The following EGFR variants were observed in gnomAD, a reference collection of about 807,000 sequenced individuals.
The protein encoded by EGFR is epidermal growth factor receptor.
A neutral mutation model predicts 143.0 loss-of-function variants in EGFR; 58 were observed. That is an observed-to-expected ratio of 0.41 (90% CI 0.33 to 0.50). EGFR has a LOEUF of 0.50. Among genes scored for constraint, EGFR ranks in the 20% least tolerant of loss-of-function variants. The probability of loss-of-function intolerance (pLI) is 0.39; values close to 1 mark genes in which losing one functional copy is unlikely to be tolerated. For missense variants in EGFR, 1,307 were observed against 1,579.0 expected, an observed-to-expected ratio of 0.83 and a Z score of 2.92; for synonymous variants, 613 against 594.4, an observed-to-expected ratio of 1.03 and a Z score of -0.45.
intron 1 of EGFR, among the ~76,000 whole-genome samples, chr7:55,031,504 G>A (rs11973394): frequency 0.086 from 10,828 of 126,192 alleles, 573 homozygotes; most frequent in African/African-American, 0.18. Context: ...GAGTAGTGAC[G>A]TGCCTGGTGT....
chr7:55,122,806 A>G lies in EGFR; in HGVS notation c.89-19480A>G, dbSNP rs987695282. Reference sequence around the variant, plus strand: ...CAGCAGCTGCCTCAACTTCTTTTCCAGCATGTCTCATGAGTATTGCCACAA... The same window carrying G: ...CAGCAGCTGCCTCAACTTCTTTTCCGGCATGTCTCATGAGTATTGCCACAA... On this transcript the variant is annotated intron_variant, in intron 1 of 27. Coordinates refer to ENST00000275493, the MANE Select transcript of EGFR (RefSeq NM_005228.5). Among the ~76,000 whole-genome samples, 5 of 152,202 alleles carry G rather than the reference A, an allele frequency of 3.3e-5. No individual in the cohort carries two copies. The East Asian group carries it at 9.6e-4, about 29-fold the overall frequency.
intron 1 of EGFR, among the ~76,000 whole-genome samples, chr7:55,062,484 T>G (rs1276514510): frequency 2.0e-5 from 3 of 152,212 alleles, no homozygotes; most frequent in African/African-American, 7.2e-5. Flanking sequence ...AATTAACTAC[T>G]GATCATTTAT....
intron 1 of EGFR, among the ~76,000 whole-genome samples, chr7:55,077,125 A>AG (rs746540694): frequency 6.6e-6 from 1 of 152,098 alleles, no homozygotes; most frequent in African/African-American, 2.4e-5. Context: ...TCAATTACAG[A>AG]TTATTATTTA....
chr7:55,120,099 C>T (rs886287135), intron 1 of EGFR, among the ~76,000 whole-genome samples: 5 of 152,222 alleles, frequency 3.3e-5, no homozygotes, highest in Admixed American at 2.6e-4. Context: ...AGGCCGCTGA[C>T]GTGGGCCAGG....
intron 1 of EGFR, chr7:55,109,714 A>T (rs1240081275): frequency 2.0e-6 from 2 of 985,158 alleles, no homozygotes; most frequent in Admixed American, 1.2e-4. Flanking sequence ...GACTCACAGG[A>T]CAAATTCTAT....
chr7:55,165,436 G>A lies in EGFR; in HGVS notation c.1879G>A (p.Gly627Arg), dbSNP rs753315940. ...CHLCHPNCTYGCTGPGLEGCP... is the reference protein window; with the variant it reads ...CHLCHPNCTYRCTGPGLEGCP... Reference sequence around the variant, plus strand: ...CCTGTGCCATCCAAACTGCACCTACGGGTGAGTGGAAAGTGAAGGAGAACA... The same window carrying A: ...CCTGTGCCATCCAAACTGCACCTACAGGTGAGTGGAAAGTGAAGGAGAACA... The change falls in exon 15 of 28, where the codon GGA becomes AGA. Residue 627 changes from glycine to arginine, a missense_variant and splice_region_variant. Physicochemically the swap from Gly to Arg is moderately radical, Grantham distance 125 (BLOSUM62 -2). Transcript: ENST00000275493. 6 of 1,609,234 alleles carry A rather than the reference G, an allele frequency of 3.7e-6. No individual in the cohort carries two copies. The highest frequency in any genetic ancestry group is 5.1e-6 in the Non-Finnish European group (6 of 1,176,334).
intron 1 of EGFR, among the ~76,000 whole-genome samples, chr7:55,103,436 C>T (rs950954003): frequency 2.0e-5 from 3 of 152,222 alleles, no homozygotes; most frequent in African/African-American, 7.2e-5. Flanking sequence ...TCCTAACACC[C>T]TGTAATATAC....
chr7:55,087,856 G>A (rs935319932), intron 1 of EGFR, among the ~76,000 whole-genome samples: 5 of 152,078 alleles, frequency 3.3e-5, no homozygotes, highest in Non-Finnish European at 5.9e-5. Flanking sequence ...ACCCTCCCTC[G>A]TCCTCTCCTC....
intron 1 of EGFR, among the ~76,000 whole-genome samples, chr7:55,021,926 C>T (rs1786589799): frequency 6.6e-6 from 1 of 152,182 alleles, no homozygotes. Flanking sequence ...CTCCAGATCC[C>T]TCTCTCAACT....
chr7:55,112,585 C>T lies in EGFR; in HGVS notation c.89-29701C>T, dbSNP rs574092247. The stretch of plus-strand genomic sequence containing the variant: ...GCCATGGCTGCCCCCTCAGAAGGCC[C>T]TGTGGAGTGGCTGGCCGAGCCTCAG... On this transcript the variant is annotated intron_variant, in intron 1 of 27. Transcript: ENST00000275493. Among the ~76,000 whole-genome samples, 19 of 152,338 alleles carry T rather than the reference C, an allele frequency of 1.2e-4. No individual in the cohort carries two copies. The South Asian group carries it at 1.9e-3, about 15-fold the overall frequency.
chr7:55,104,673 T>C lies in EGFR; in HGVS notation c.89-37613T>C, dbSNP rs1462835752. 1.3e-5 allele frequency among the ~76,000 whole-genome samples: 2 copies of C among 152,204 alleles called. 1 individual carries two copies. Among genetic ancestry groups the C allele is most frequent in the Non-Finnish European group, 2.9e-5 (2 of 68,044 alleles). On this transcript the variant is annotated intron_variant, in intron 1 of 27. Coordinates refer to ENST00000275493, the MANE Select transcript of EGFR (RefSeq NM_005228.5). ...GTCCCAAAGCTCTGCCCTGCCTGGC[T>C]TGATCCAGTGCCTAGGCACTGCCCC...
At chr7:55,172,830 T>A (rs1420726593) in intron 16 of EGFR, 153 bp from the exon 17 acceptor site, 8 of 1,563,004 alleles carry the variant, frequency 5.1e-6, no homozygotes. Context: ...TAGAAGCCTG[T>A]TTTTTCTCCT....
chr7:55,134,158 C>T (rs915919581), intron 1 of EGFR, among the ~76,000 whole-genome samples: 4 of 150,826 alleles, frequency 2.7e-5, no homozygotes, highest in Non-Finnish European at 5.9e-5. Context: ...CCCAGCCACA[C>T]ACAGATACAG....
intron 6 of EGFR, among the ~76,000 whole-genome samples, chr7:55,153,388 C>T (rs372225650): frequency 7.2e-5 from 11 of 152,202 alleles, no homozygotes; most frequent in African/African-American, 2.4e-4. Flanking sequence ...GCTGGTGTGA[C>T]GAAGCCCTTC....
At chr7:55,047,961 T>C (rs1788276289) in intron 1 of EGFR, among the ~76,000 whole-genome samples, 1 of 152,152 alleles carries the variant, frequency 6.6e-6, no homozygotes, top group African/African-American at 2.4e-5. Flanking sequence ...CAGTTTCACA[T>C]ATAAATATAT....
chr7:55,069,938 CAG>C (rs1014361603), intron 1 of EGFR, among the ~76,000 whole-genome samples: 50 of 152,320 alleles, frequency 3.3e-4, no homozygotes, highest in African/African-American at 1.1e-3. Context: ...GCTTAATTTT[CAG>C]AGAGTCTACT....
rs777244842 is a variant in EGFR, at chr7:55,114,879, CTT to C, written c.89-27388_89-27387del. On this transcript the variant is annotated intron_variant, in intron 1 of 27. Coordinates refer to ENST00000275493, the MANE Select transcript of EGFR (RefSeq NM_005228.5). ...CACTGCAACTTGTATTTGTATTATT[CTT>C]TTTTTTTTTTTTTTTTTTGAGATGG... Among the ~76,000 whole-genome samples, 138 of 122,736 alleles carry C rather than the reference CTT, an allele frequency of 1.1e-3. 1 individual carries two copies. The highest frequency in any genetic ancestry group is 6.1e-3 in the South Asian group (22 of 3,610). The allele number at this position is 122,736 out of a possible 152,430, so 80.5% of individuals were successfully genotyped here.
chr7:55,143,123 A>G lies in EGFR; in HGVS notation c.241-182A>G, dbSNP rs377394536. 1.6e-4 allele frequency among the ~76,000 whole-genome samples: 25 copies of G among 152,324 alleles called. 1 individual carries two copies. The South Asian group carries it at 4.1e-3, about 25-fold the overall frequency. ...AAGGCTAACGTGCAGGGATTGTTGC[A>G]GATCGTGGACATGCTGCCTCCTGTG... On this transcript the variant is annotated intron_variant, in intron 2 of 27. Transcript: ENST00000275493.
intron 21 of EGFR, among the ~76,000 whole-genome samples, chr7:55,192,430 C>T (rs551106001): frequency 1.8e-4 from 27 of 152,316 alleles, no homozygotes; most frequent in African/African-American, 6.3e-4. Flanking sequence ...TTCACTCTGG[C>T]CTGCTTGGCT....
Sources: allele counts gnomAD v4.1 joint callset (sites outside exome capture counted in the v4.1 genomes callset), GRCh38; gene constraint gnomAD v4.1.1; transcripts MANE v1.5; gene names NCBI Gene and HGNC (gene_info 2026-07-23, HGNC 2026-07-21).